The following MAP3K8 variants were observed in gnomAD, a reference collection of about 807,000 sequenced individuals.
MAP3K8 encodes the protein Ewing sarcoma transformant.
A neutral mutation model predicts 45.8 loss-of-function variants in MAP3K8; 22 were observed. That is an observed-to-expected ratio of 0.48 (90% CI 0.34 to 0.69). The LOEUF is 0.69. MAP3K8 is among the 30% of genes least tolerant of loss of function. MAP3K8 has a pLI of 0.01. For synonymous variants in MAP3K8, 223 were observed against 214.3 expected (o/e 1.04, Z -0.36); for missense variants, 419 against 585.0 (o/e 0.72, Z 2.93).
At chr10:30,450,632 C>G (rs1836504440) in intron 5 of MAP3K8, 113 bp downstream of exon 5, 1 of 858,084 alleles carries the variant, frequency 1.2e-6, no homozygotes, top group South Asian at 1.6e-5. Flanking sequence ...AAAGCTCCCT[C>G]AGAGCACCGT....
Position 30,460,817 on chromosome 10 carries a change from C to A in MAP3K8, c.1385C>A (p.Pro462Gln), listed in dbSNP as rs773384142. Residue 462 changes from proline to glutamine, a missense_variant, in exon 9 of 9, where the codon CCA (proline) becomes CAA (glutamine). Around this residue, in one of 3 missense-constraint regions of MAP3K8, gnomAD observed 108 missense variants for 124.2 expected, o/e 0.87. Transcript: ENST00000263056. ...TACTTCAATCTTGTTCGGGGACCAC[C>A]AACGCTTGAATATGGCTGAAGGATG... ...AGYFNLVRGP[P>Q]TLEYG The A allele has an allele frequency of 6.2e-7, 1 of 1,613,792 alleles. No homozygotes were observed. Among genetic ancestry groups the A allele is most frequent in the South Asian group, 1.1e-5 (1 of 91,074 alleles).
At chr10:30,455,176 A>C (rs2132825449) in intron 6 of MAP3K8, among the ~76,000 whole-genome samples, 1 of 152,274 alleles carries the variant, frequency 6.6e-6, no homozygotes, top group East Asian at 1.9e-4. Context: ...TATAAATATA[A>C]ACTCTCTTCT....
chr10:30,439,404 A>G, intron 3 of MAP3K8, 130 bp downstream of exon 3: 1 of 1,427,654 alleles, frequency 7.0e-7, no homozygotes, highest in South Asian at 1.5e-5. Flanking sequence ...TGTAATCATC[A>G]GTAAGAAGTA....
rs890044815 is a variant in MAP3K8 at position 30,437,285 on chromosome 10, A to G, written c.-145A>G. The G allele has an allele frequency of 1.0e-6, 1 of 985,330 alleles. No homozygotes were observed. Among genetic ancestry groups the G allele is most frequent in the African/African-American group, 1.7e-5 (1 of 57,234 alleles). 61.0% of individuals were successfully genotyped at this position (985,330 alleles called of 1,614,324 possible). A position where few individuals can be genotyped will look rare whatever the true frequency, so the allele number is the denominator to read the frequency against. On this transcript the variant is annotated 5_prime_UTR_variant, in exon 2 of 9. Transcript: ENST00000263056. ...TGCAAAGCCAGGAGTCTGACTCAGTACTTTTCTCACTCATGCATACAAAGC... is the reference window on the plus strand; with the variant it reads ...TGCAAAGCCAGGAGTCTGACTCAGTGCTTTTCTCACTCATGCATACAAAGC...
At chr10:30,460,139 A>G (rs1836884524) in intron 8 of MAP3K8, among the ~76,000 whole-genome samples, 1 of 152,096 alleles carries the variant, frequency 6.6e-6, no homozygotes, top group African/African-American at 2.4e-5. Flanking sequence ...AACCATGCCC[A>G]GCCTAACTCA....
intron 3 of MAP3K8, among the ~76,000 whole-genome samples, chr10:30,441,838 G>A (rs967469904): frequency 2.6e-5 from 4 of 152,072 alleles, no homozygotes; most frequent in African/African-American, 7.2e-5. Flanking sequence ...GCTTGCTTTC[G>A]GCTCCCTTTC....
intron 1 of MAP3K8, among the ~76,000 whole-genome samples, chr10:30,435,881 A>G (rs1294555178): frequency 6.6e-6 from 1 of 152,362 alleles, no homozygotes; most frequent in East Asian, 1.9e-4. Flanking sequence ...CACAAGTAAT[A>G]GTCATTCTTT....
rs766360538 is a variant in MAP3K8 at position 30,447,763 on chromosome 10, C to T, written c.337-19C>T. Reference sequence around the variant, plus strand: ...CTTGACTGAAGTTCTCACCGTCTCACATTTTTATTTTGTTGTAGGTCATCA... The same window carrying T: ...CTTGACTGAAGTTCTCACCGTCTCATATTTTTATTTTGTTGTAGGTCATCA... On this transcript the variant is annotated intron_variant, in intron 3 of 8. Transcript: ENST00000263056. 6.2e-7 allele frequency: 1 copy of T among 1,608,822 alleles called. No individual in the cohort carries two copies. The highest frequency in any genetic ancestry group is 8.5e-7 in the Non-Finnish European group (1 of 1,177,384).
intron 1 of MAP3K8, 123 bp downstream of exon 1, chr10:30,434,501 AGGT>A: frequency 1.0e-6 from 1 of 985,668 alleles, no homozygotes; most frequent in Non-Finnish European, 1.2e-6. Context: ...GCGTGGGAAG[AGGT>A]GGGGGCGTGC....
At chr10:30,435,132 G>A (rs1281272122) in intron 1 of MAP3K8, among the ~76,000 whole-genome samples, 1 of 152,234 alleles carries the variant, frequency 6.6e-6, no homozygotes, top group Non-Finnish European at 1.5e-5. Flanking sequence ...GAAGGCCACC[G>A]GCTGCCTGTA....
chr10:30,444,844 G>A (rs747078039), intron 3 of MAP3K8, among the ~76,000 whole-genome samples: 10 of 152,208 alleles, frequency 6.6e-5, no homozygotes, highest in Non-Finnish European at 1.5e-4. Context: ...CTCTTACCCA[G>A]ACTAGGAGGT....
chr10:30,434,538 C>A (rs1043674732), intron 1 of MAP3K8, 160 bp downstream of exon 1: 6 of 985,640 alleles, frequency 6.1e-6, no homozygotes, highest in Non-Finnish European at 6.0e-6. Flanking sequence ...CGCGGGTCGC[C>A]GGCTGCACCA....
At chr10:30,442,613 A>C (rs570892898) in intron 3 of MAP3K8, among the ~76,000 whole-genome samples, 1 of 152,340 alleles carries the variant, frequency 6.6e-6, no homozygotes, top group East Asian at 1.9e-4. Flanking sequence ...AAGCTTTGGG[A>C]GACTAACCTG....
intron 6 of MAP3K8, among the ~76,000 whole-genome samples, chr10:30,454,289 C>T (rs1836659056): frequency 6.6e-6 from 1 of 152,184 alleles, no homozygotes; most frequent in East Asian, 1.9e-4. Flanking sequence ...ATACGTGTTG[C>T]ACTGAACTGG....
chr10:30,459,624 T>G (rs576173685), intron 8 of MAP3K8, 123 bp downstream of exon 8: 1 of 1,158,280 alleles, frequency 8.6e-7, no homozygotes, highest in Non-Finnish European at 1.2e-6. Flanking sequence ...GTACCATACC[T>G]TGCTTGAGAA....
At position 30,461,726 on chromosome 10, in the gene MAP3K8, G is replaced by A. The variant is rs1409358014; in HGVS notation, c.*890G>A. On this transcript the variant is annotated 3_prime_UTR_variant, in exon 9 of 9. Transcript: ENST00000263056. ...ATATATTTGTAACATTGTAAAGTAT[G>A]TGAGTAGTCTTATGTAAAGTATGTT... 1.1e-5 allele frequency: 2 copies of A among 184,844 alleles called. No individual in the cohort carries two copies. The highest frequency in any genetic ancestry group is 2.3e-5 in the Non-Finnish European group (2 of 87,378). 11.5% of individuals were successfully genotyped at this position (184,844 alleles called of 1,614,324 possible).
At chr10:30,436,798 T>TA (rs1260790670) in intron 1 of MAP3K8, among the ~76,000 whole-genome samples, 1 of 118,918 alleles carries the variant, frequency 8.4e-6, no homozygotes, top group Non-Finnish European at 1.8e-5. Context: ...GTCATGTTAG[T>TA]ACTGAGAACT....
chr10:30,446,166 T>G (rs186224279), intron 3 of MAP3K8, among the ~76,000 whole-genome samples: 67 of 152,286 alleles, frequency 4.4e-4, no homozygotes, highest in African/African-American at 1.5e-3. Flanking sequence ...GTGCTGGGAT[T>G]ATAGGCGTGA....
Position 30,460,825 on chromosome 10 carries a change from G to A in MAP3K8, c.1393G>A (p.Glu465Lys). The A allele has an allele frequency of 6.2e-7, 1 of 1,613,580 alleles. No homozygotes were observed. The highest frequency in any genetic ancestry group is 8.5e-7 in the Non-Finnish European group (1 of 1,180,018). ...TCTTGTTCGGGGACCACCAACGCTTGAATATGGCTGAAGGATGCCATGTTT... is the reference window on the plus strand; with the variant it reads ...TCTTGTTCGGGGACCACCAACGCTTAAATATGGCTGAAGGATGCCATGTTT... Reference protein sequence around the residue: ...FNLVRGPPTLEYG With the variant: ...FNLVRGPPTLKYG The change falls in exon 9 of 9, where the codon GAA becomes AAA. Residue 465 changes from glutamate (E) to lysine (K), a missense_variant. Glu to Lys is a moderately conservative substitution (Grantham distance 56). This residue lies in a region of MAP3K8 where 108 missense variants were observed against 124.2 expected (regional missense o/e 0.87). Transcript: ENST00000263056.
Sources: allele counts gnomAD v4.1 joint callset (sites outside exome capture counted in the v4.1 genomes callset), GRCh38; gene constraint gnomAD v4.1.1; regional missense constraint gnomAD v4.1.1; transcripts MANE v1.5; gene names NCBI Gene and HGNC (gene_info 2026-07-23, HGNC 2026-07-21).